Variants in CPT2 observed in about 807,000 individuals in gnomAD.
CPT2 encodes carnitine O-palmitoyltransferase 2, mitochondrial.
Under a neutral mutation model 48.6 loss-of-function variants are expected in CPT2, and 37 were observed. The ratio of observed to expected loss-of-function variants is 0.76; its 90% CI spans 0.59 to 1.00. CPT2 has a LOEUF of 1.00. Ranked by LOEUF, CPT2 falls within the 50% of genes least tolerant of loss-of-function variation. The pLI is 0.00. For missense variants in CPT2, 772 were observed against 825.6 expected (o/e 0.94, Z 0.80); for synonymous variants, 319 against 326.9 (o/e 0.98, Z 0.26).
chr1:53,213,954 C>T lies in CPT2; in HGVS notation c.*359C>T. The stretch of plus-strand genomic sequence containing the variant: ...AACAAAAAAGAAAAAAAAACTGGGG[C>T]CTGTGTAGCCAGTGGGTGCTATTCT... On this transcript the variant is annotated 3_prime_UTR_variant, in exon 5 of 5. Coordinates refer to ENST00000371486, the MANE Select transcript of CPT2 (RefSeq NM_000098.3). 3.4e-6 allele frequency: 1 copy of T among 293,050 alleles called. No homozygotes were observed. Among genetic ancestry groups the T allele is most frequent in the South Asian group, 3.4e-5 (1 of 29,194 alleles). 18.2% of individuals were successfully genotyped at this position (293,050 alleles called of 1,614,324 possible).
intron 2 of CPT2, 58 bp from the exon 3 acceptor site, chr1:53,202,265 C>T (rs1382366034): frequency 7.1e-7 from 1 of 1,400,798 alleles, no homozygotes; most frequent in Non-Finnish European, 1.0e-6. Flanking sequence ...TCGCCATGAA[C>T]CTAAAAATCA....
intron 3 of CPT2, chr1:53,208,333 A>G (rs1039849130): frequency 6.6e-6 from 1 of 152,250 alleles, no homozygotes. Flanking sequence ...AGAAATCTGC[A>G]TCTATTAATC....
intron 4 of CPT2, chr1:53,212,709 A>G: frequency 2.5e-6 from 1 of 404,588 alleles, no homozygotes; most frequent in Non-Finnish European, 4.4e-6. Context: ...TTGTCCTTTC[A>G]TGTTGCTATG....
intron 4 of CPT2, chr1:53,212,783 A>G (rs1417275285): frequency 2.4e-6 from 1 of 413,154 alleles, no homozygotes; most frequent in Non-Finnish European, 4.3e-6. Context: ...TTTTATAGGG[A>G]GAAAACCAAG....
chr1:53,201,864 G>A (rs1299504456), intron 2 of CPT2: 3 of 191,100 alleles, frequency 1.6e-5, no homozygotes, highest in African/African-American at 7.1e-5. Context: ...CAGTTATTGA[G>A]TATTATGTTT....
chr1:53,210,124 C>T lies in CPT2; in HGVS notation c.450C>T (p.Thr150=). 6.2e-7 allele frequency: 1 copy of T among 1,614,070 alleles called. No homozygotes were observed. The highest frequency in any genetic ancestry group is 8.5e-7 in the Non-Finnish European group (1 of 1,180,026). ...AATCTGAGTATAATGACCAGCTCAC[C>T]CGGGCAACCAACATGACTGTTTCTG... is the stretch of plus-strand genomic sequence containing the variant. ...DPKSEYNDQL[T]RATNMTVSAI... Residue 150 remains threonine, a synonymous_variant, in exon 4 of 5, where the codon ACC becomes ACT. Transcript: ENST00000371486.
chr1:53,207,126 CTGTG>C (rs1645394428), intron 3 of CPT2, among the ~76,000 whole-genome samples: 1 of 152,334 alleles, frequency 6.6e-6, no homozygotes, highest in East Asian at 1.9e-4. Context: ...TCTCCTGCTG[CTGTG>C]TAAGATGTGC....
In CPT2 at chr1:53,210,908, G is replaced by A; in HGVS notation, c.1234G>A (p.Val412Met). Residue 412 changes from valine (V) to methionine (M), a missense_variant, in exon 4 of 5, where the codon GTG becomes ATG. Transcript: ENST00000371486. ...AGCTACCACTGACTCTACTGTCACG[G>A]TGCAGAAACTCAACTTCGAGCTGAC... Reference protein sequence around the residue: ...QPATTDSTVTVQKLNFELTDA... With the variant: ...QPATTDSTVTMQKLNFELTDA... The A allele has an allele frequency of 1.2e-6, 2 of 1,614,188 alleles. No homozygotes were observed. Among genetic ancestry groups the A allele is most frequent in the South Asian group, 1.1e-5 (1 of 91,088 alleles).
rs1645413696 is a variant in CPT2 at position 53,210,289 on chromosome 1, C to T, written c.615C>T (p.Tyr205=). 6.2e-7 allele frequency: 1 copy of T among 1,614,196 alleles called. No individual in the cohort carries two copies. The highest frequency in any genetic ancestry group is 8.5e-7 in the Non-Finnish European group (1 of 1,180,046). Residue 205 remains tyrosine (Y), a synonymous_variant, in exon 4 of 5, where the codon TAC becomes TAT. Transcript: ENST00000371486. ...CCTCTCTGTCCTGGTATGGGGCCTACCTGGTCAATGCGTATCCCCTGGATA... is the reference window on the plus strand; with the variant it reads ...CCTCTCTGTCCTGGTATGGGGCCTATCTGGTCAATGCGTATCCCCTGGATA... ...VPSSLSWYGA[Y]LVNAYPLDMS...
At chr1:53,198,307 C>T (rs1388538232) in intron 1 of CPT2, among the ~76,000 whole-genome samples, 1 of 152,194 alleles carries the variant, frequency 6.6e-6, no homozygotes, top group Non-Finnish European at 1.5e-5. Context: ...ACAGGCCTCA[C>T]CCGAGCTGCT....
At chr1:53,206,789 T>C (rs1645392583) in intron 3 of CPT2, among the ~76,000 whole-genome samples, 1 of 152,246 alleles carries the variant, frequency 6.6e-6, no homozygotes, top group African/African-American at 2.4e-5. Flanking sequence ...TTGCCTTTAC[T>C]CAGATGAGAC....
chr1:53,202,260 A>G lies in CPT2; in HGVS notation c.234-63A>G, dbSNP rs1025276569. ...AAAACTCTATTATGAGTTCCTCGCC[A>G]TGAACCTAAAAATCATGTATTCCCT... On this transcript the variant is annotated intron_variant, in intron 2 of 4. Coordinates refer to ENST00000371486, the MANE Select transcript of CPT2 (RefSeq NM_000098.3). The G allele has an allele frequency of 8.1e-6, 11 of 1,363,156 alleles. No individual in the cohort carries two copies. In the African/African-American group the frequency reaches 8.6e-5, roughly 11 times the overall value. The allele number at this position is 1,363,156 out of a possible 1,614,324, so 84.4% of individuals were successfully genotyped here. A position where few individuals can be genotyped will look rare whatever the true frequency, so the allele number is the denominator to read the frequency against.
chr1:53,205,775 A>G (rs1334659644), intron 3 of CPT2, among the ~76,000 whole-genome samples: 1 of 152,344 alleles, frequency 6.6e-6, no homozygotes, highest in East Asian at 1.9e-4. Flanking sequence ...CCATGGCTAA[A>G]AGGGGCCAAG....
intron 4 of CPT2, among the ~76,000 whole-genome samples, chr1:53,212,999 T>A (rs2100277799): frequency 6.6e-6 from 1 of 152,330 alleles, no homozygotes; most frequent in South Asian, 2.1e-4. Flanking sequence ...TTTAAAATTA[T>A]GCTTTCCTTT....
Position 53,196,896 on chromosome 1 carries a change from C to T in CPT2, c.-48C>T. ...CGGCGGCGGCCTTGTGTTTAGACTC[C>T]AGAACTCCCCACTTGCCGCGTTCTC... On this transcript the variant is annotated 5_prime_UTR_variant, in exon 1 of 5. Coordinates refer to ENST00000371486, the MANE Select transcript of CPT2 (RefSeq NM_000098.3). 1 of 1,531,058 alleles carries T rather than the reference C, an allele frequency of 6.5e-7. No homozygotes were observed. The highest frequency in any genetic ancestry group is 8.7e-7 in the Non-Finnish European group (1 of 1,146,132). The allele number at this position is 1,531,058 out of a possible 1,614,324, so 94.8% of individuals were successfully genotyped here.
intron 1 of CPT2, chr1:53,197,452 T>G: frequency 2.6e-6 from 1 of 380,482 alleles, no homozygotes; most frequent in East Asian, 6.7e-5. Context: ...ATCCCTCGAC[T>G]ATGGTGTCTC....
intron 1 of CPT2, 41 bp from the exon 2 acceptor site, chr1:53,200,678 C>T: frequency 2.1e-6 from 3 of 1,437,166 alleles, no homozygotes; most frequent in Non-Finnish European, 9.8e-7. Context: ...TAACCTCTTC[C>T]ATATACTGTC....
In CPT2 at chr1:53,202,239, C is replaced by T. The variant is rs1024599075; in HGVS notation, c.234-84C>T. The T allele has an allele frequency of 1.3e-5, 14 of 1,088,980 alleles. No homozygotes were observed. The East Asian group carries it at 3.5e-4, about 27-fold the overall frequency. The allele number at this position is 1,088,980 out of a possible 1,614,324, so 67.5% of individuals were successfully genotyped here. ...GGGCTATGCTGTTGGGGACCCAAAA[C>T]TCTATTATGAGTTCCTCGCCATGAA... On this transcript the variant is annotated intron_variant, in intron 2 of 4. Coordinates refer to ENST00000371486, the MANE Select transcript of CPT2 (RefSeq NM_000098.3).
In CPT2 at chr1:53,200,952, T is replaced by C. The variant is rs1224220632; in HGVS notation, c.233+153T>C. ...TACATCTGCAAGTTCAGGAAATAGA[T>C]TTTCATTCATGAAGGACTGACCAAG... On this transcript the variant is annotated intron_variant, in intron 2 of 4. Coordinates refer to ENST00000371486, the MANE Select transcript of CPT2 (RefSeq NM_000098.3). 7 of 707,846 alleles carry C rather than the reference T, an allele frequency of 9.9e-6. No individual in the cohort carries two copies. The East Asian group carries it at 1.9e-4, about 19-fold the overall frequency. 43.8% of individuals were successfully genotyped at this position (707,846 alleles called of 1,614,324 possible).
Sources: allele counts gnomAD v4.1 joint callset (sites outside exome capture counted in the v4.1 genomes callset), GRCh38; gene constraint gnomAD v4.1.1; transcripts MANE v1.5; gene names NCBI Gene and HGNC (gene_info 2026-07-23, HGNC 2026-07-21).